PCDHGB5: variants seen among roughly 807,000 people sequenced by gnomAD.
PCDHGB5 encodes the protein protocadherin gamma subfamily B, 5.
Under a neutral mutation model 62.9 loss-of-function variants are expected in PCDHGB5, and 48 were observed. The observed-to-expected ratio is 0.76, with a 90% confidence interval of 0.61 to 0.97. PCDHGB5 has a LOEUF of 0.97. Among genes scored for constraint, PCDHGB5 ranks in the 50% least tolerant of loss-of-function variants. PCDHGB5 has a pLI of 0.00. For missense variants in PCDHGB5, 1,118 were observed against 1,198.6 expected (o/e 0.93, Z 0.99); for synonymous variants, 474 against 511.2 (o/e 0.93, Z 0.98).
At chr5:141,451,526 G>T (rs896029145) in intron 1 of PCDHGB5, among the ~76,000 whole-genome samples, 1 of 152,168 alleles carries the variant, frequency 6.6e-6, no homozygotes, top group African/African-American at 2.4e-5. Flanking sequence ...GCAAGTAAAG[G>T]AGAGTGCCAG....
At chr5:141,422,926 GC>G in intron 1 of PCDHGB5, 1 of 1,614,230 alleles carries the variant, frequency 6.2e-7, no homozygotes, top group Non-Finnish European at 8.5e-7. Flanking sequence ...CCTGTACCCT[GC>G]CCTCCCCACA....
chr5:141,489,625 A>G lies in PCDHGB5; in HGVS notation c.2398-5182A>G. ...GGTAGAGATCCTGGATCTCAATGAC[A>G]ACTCTCCTAGCTTTGCCACCCCTGA... On this transcript the variant is annotated intron_variant, in intron 1 of 3. Transcript: ENST00000617380. The surrounding 1 kb of genome is among the most constrained non-coding windows in gnomAD (Gnocchi z 4.5). 6.2e-7 allele frequency: 1 copy of G among 1,614,076 alleles called. No homozygotes were observed. The highest frequency in any genetic ancestry group is 8.5e-7 in the Non-Finnish European group (1 of 1,180,006).
At chr5:141,452,003 T>C (rs1031228207) in intron 1 of PCDHGB5, among the ~76,000 whole-genome samples, 2 of 152,210 alleles carry the variant, frequency 1.3e-5, no homozygotes, top group Non-Finnish European at 2.9e-5. Context: ...CAAAATCACT[T>C]GGTCCAGCCC....
rs750033444 is a variant in PCDHGB5 at position 141,432,950 on chromosome 5, G to C, written c.2397+32426G>C. 1.2e-6 allele frequency: 2 copies of C among 1,614,190 alleles called. No homozygotes were observed. The highest frequency in any genetic ancestry group is 1.7e-6 in the Non-Finnish European group (2 of 1,180,032). ...ACGCCTGCTGCAGGCTTCAGGAGGC[G>C]GCTTGACAGGAGCGCCGGCGTCGCA... On this transcript the variant is annotated intron_variant, in intron 1 of 3. Transcript: ENST00000617380. The surrounding 1 kb of genome is among the most constrained non-coding windows in gnomAD (Gnocchi z 6.0).
At chr5:141,410,097 T>G (rs745439318) in intron 1 of PCDHGB5, 3 of 1,612,664 alleles carry the variant, frequency 1.9e-6, no homozygotes, top group Non-Finnish European at 2.5e-6. Context: ...GCTCGAGCCT[T>G]AGGCGACAGG....
intron 1 of PCDHGB5, chr5:141,404,885 G>C: frequency 1.2e-6 from 2 of 1,613,906 alleles, no homozygotes; most frequent in Non-Finnish European, 1.7e-6. Context: ...CCTTGTGGTG[G>C]CTGTACAGGA....
In PCDHGB5 at chr5:141,481,621, C is replaced by T. The variant is rs533294863; in HGVS notation, c.2398-13186C>T. Among the ~76,000 whole-genome samples the T allele has an allele frequency of 3.9e-5, 6 of 152,198 alleles. 1 individual carries two copies. Among genetic ancestry groups the T allele is most frequent in the East Asian group, 3.9e-4 (2 of 5,172 alleles). Reference sequence around the variant, plus strand: ...TCACCTGAGGCCAGGAGTTCAAGACCGGCCTGGCCAACATGGTGAAACTTC... The same window carrying T: ...TCACCTGAGGCCAGGAGTTCAAGACTGGCCTGGCCAACATGGTGAAACTTC... On this transcript the variant is annotated intron_variant, in intron 1 of 3. Transcript: ENST00000617380.
chr5:141,508,269 C>G (rs1459186158), intron 3 of PCDHGB5: 1 of 152,186 alleles, frequency 6.6e-6, no homozygotes, highest in Non-Finnish European at 1.5e-5. Flanking sequence ...GAGAAAATCC[C>G]GGTCCTTGAC....
chr5:141,479,490 G>A (rs1334340000), intron 1 of PCDHGB5: 1 of 152,248 alleles, frequency 6.6e-6, no homozygotes, highest in Non-Finnish European at 1.5e-5. Context: ...AGGACCATCA[G>A]GTTGCCTAAA....
Position 141,487,295 on chromosome 5 carries a change from T to C in PCDHGB5, c.2398-7512T>C, listed in dbSNP as rs2099642474. The C allele has an allele frequency of 5.6e-6, 9 of 1,614,164 alleles. No individual in the cohort carries two copies. In the East Asian group the frequency reaches 1.3e-4, roughly 24 times the overall value. ...AATTTGCTTTGTCTCCTTTGGCTCA[T>C]TCGTGGCACTACTCTCTAAGTGTCT... On this transcript the variant is annotated intron_variant, in intron 1 of 3. Transcript: ENST00000617380. This position sits in a 1 kb window ranked among gnomAD's most constrained non-coding sequence, Gnocchi z 5.0.
At chr5:141,418,966 C>T (rs754269610) in intron 1 of PCDHGB5, 44 of 1,613,892 alleles carry the variant, frequency 2.7e-5, no homozygotes, top group Non-Finnish European at 3.6e-5. Flanking sequence ...TTGCCCTCTT[C>T]AAAACACGGG....
In PCDHGB5 at chr5:141,476,850, A is replaced by G. The variant is rs747333239; in HGVS notation, c.2398-17957A>G. The G allele has an allele frequency of 1.2e-6, 2 of 1,613,836 alleles. No individual in the cohort carries two copies. Among genetic ancestry groups the G allele is most frequent in the Admixed American group, 3.3e-5 (2 of 60,030 alleles). ...GCGAATGACAATGCGCCTGTCTTCA[A>G]CCAGTCCTTGTACCGGGCGCGCGTC... is the stretch of plus-strand genomic sequence containing the variant. On this transcript the variant is annotated intron_variant, in intron 1 of 3. Transcript: ENST00000617380. The surrounding 1 kb of genome is among the most constrained non-coding windows in gnomAD (Gnocchi z 7.6).
At chr5:141,437,016 T>G (rs1025489534) in intron 1 of PCDHGB5, among the ~76,000 whole-genome samples, 1 of 152,254 alleles carries the variant, frequency 6.6e-6, no homozygotes, top group Non-Finnish European at 1.5e-5. Flanking sequence ...TTAGATAATT[T>G]CACCAGAAAA....
At position 141,423,462 on chromosome 5, in the gene PCDHGB5, C is replaced by A. The variant is rs371118964; in HGVS notation, c.2397+22938C>A. ...CCACGTCACATTTTGTAGGCGTGGA[C>A]GGGGTACAGGCTTTCCTGCAAACCT... On this transcript the variant is annotated intron_variant, in intron 1 of 3. Transcript: ENST00000617380. 8.1e-6 allele frequency: 13 copies of A among 1,613,808 alleles called. No homozygotes were observed. The African/African-American group carries it at 1.7e-4, about 22-fold the overall frequency.
At position 141,413,888 on chromosome 5, in the gene PCDHGB5, A is replaced by G. The variant is rs777389288; in HGVS notation, c.2397+13364A>G. On this transcript the variant is annotated intron_variant, in intron 1 of 3. Transcript: ENST00000617380. Reference sequence around the variant, plus strand: ...GTCCTTGTCAGTGTGACTGTCTTCGATGCAAATGACAACGCGCCGGTCTTC... The same window carrying G: ...GTCCTTGTCAGTGTGACTGTCTTCGGTGCAAATGACAACGCGCCGGTCTTC... The G allele has an allele frequency of 2.5e-5, 40 of 1,613,256 alleles. No individual in the cohort carries two copies. Among genetic ancestry groups the G allele is most frequent in the Non-Finnish European group, 3.4e-5 (40 of 1,179,886 alleles).
At position 141,485,240 on chromosome 5, in the gene PCDHGB5, C is replaced by G; in HGVS notation, c.2398-9567C>G. On this transcript the variant is annotated intron_variant, in intron 1 of 3. Coordinates refer to ENST00000617380, the MANE Select transcript of PCDHGB5 (RefSeq NM_018925.3). This position sits in a 1 kb window ranked among gnomAD's most constrained non-coding sequence, Gnocchi z 5.7. The stretch of plus-strand genomic sequence containing the variant: ...GGCTACCCTTTTGTTCCTCTTTTAC[C>G]ACCTGGGTTACGTTTGTGGGCAGAT... The G allele has an allele frequency of 6.2e-7, 1 of 1,614,174 alleles. No individual in the cohort carries two copies. The highest frequency in any genetic ancestry group is 8.5e-7 in the Non-Finnish European group (1 of 1,180,024).
At chr5:141,418,405 G>T in intron 1 of PCDHGB5, 1 of 1,614,020 alleles carries the variant, frequency 6.2e-7, no homozygotes, top group African/African-American at 1.3e-5. Context: ...CATTGGTGGA[G>T]AAAGACAATC....
At chr5:141,415,359 G>C in intron 1 of PCDHGB5, 2 of 1,614,246 alleles carry the variant, frequency 1.2e-6, no homozygotes, top group Non-Finnish European at 1.7e-6. Flanking sequence ...AGTCACGCCT[G>C]CTGCAGGCTT....
intron 1 of PCDHGB5, among the ~76,000 whole-genome samples, chr5:141,429,386 T>TA (rs1561841076): frequency 9.9e-5 from 15 of 151,936 alleles, no homozygotes; most frequent in South Asian, 8.3e-4. Flanking sequence ...TGTTTTTTTT[T>TA]TAAAAAAAAT....
Sources: gnomAD v4.1 joint callset for allele counts (sites outside exome capture counted in the v4.1 genomes callset) on GRCh38, gnomAD v4.1.1 for gene constraint, Gnocchi (gnomAD v3.1) non-coding constraint, MANE v1.5 for transcripts, NCBI Gene and HGNC (gene_info 2026-07-23, HGNC 2026-07-21) for gene names.